Variants in ENTREP2 observed in about 807,000 individuals in gnomAD.
The protein encoded by ENTREP2 is protein ENTREP2.
At chr15:29,391,320 T>C in the ENTREP2 span, among the ~76,000 whole-genome samples, 1 of 151,794 alleles carries the variant, frequency 6.6e-6, no homozygotes. Flanking sequence ...CCATTTCCCT[T>C]CAGGGGCTGC....
the ENTREP2 span, among the ~76,000 whole-genome samples, chr15:29,465,034 G>A: frequency 6.6e-6 from 1 of 152,044 alleles, no homozygotes; most frequent in Non-Finnish European, 1.5e-5. Flanking sequence ...AAAAAGCATG[G>A]GGCTTTAGAG....
chr15:29,434,576 C>T, the ENTREP2 span, among the ~76,000 whole-genome samples: 1 of 152,188 alleles, frequency 6.6e-6, no homozygotes, highest in African/African-American at 2.4e-5. Context: ...GACACATCCA[C>T]ATGGTGCAAA....
At chr15:29,546,536 G>A in the ENTREP2 span, among the ~76,000 whole-genome samples, 1 of 152,142 alleles carries the variant, frequency 6.6e-6, no homozygotes, top group East Asian at 1.9e-4. Flanking sequence ...GCCACTTTGT[G>A]AAAATAACGA....
At chr15:29,638,553 T>C in the ENTREP2 span, among the ~76,000 whole-genome samples, 3 of 152,164 alleles carry the variant, frequency 2.0e-5, no homozygotes, top group South Asian at 6.2e-4. Flanking sequence ...AAAGTTTTAG[T>C]GAGAATAGAA....
chr15:29,295,748 C>T, the ENTREP2 span, among the ~76,000 whole-genome samples: 1 of 152,094 alleles, frequency 6.6e-6, no homozygotes, highest in Admixed American at 6.6e-5. Context: ...GTGACGGCCA[C>T]GTGGGGAGTG....
the ENTREP2 span, among the ~76,000 whole-genome samples, chr15:29,489,066 AT>A: frequency 9.2e-5 from 14 of 152,332 alleles, no homozygotes; most frequent in Middle Eastern, 3.4e-3. Context: ...AACGGTGTGA[AT>A]GTACTAAACG....
chr15:29,369,942 T>A, the ENTREP2 span, among the ~76,000 whole-genome samples: 1 of 152,212 alleles, frequency 6.6e-6, no homozygotes, highest in Admixed American at 6.5e-5. Flanking sequence ...TTATCTGCCA[T>A]GTTTGGAGGA....
chr15:29,206,078 G>A, the ENTREP2 span, among the ~76,000 whole-genome samples: 2 of 152,128 alleles, frequency 1.3e-5, no homozygotes, highest in African/African-American at 4.8e-5. Flanking sequence ...CCTTTCTCTG[G>A]ACTACTATTA....
the ENTREP2 span, chr15:29,123,313 T>C: frequency 4.1e-5 from 61 of 1,483,858 alleles, no homozygotes; most frequent in Non-Finnish European, 5.2e-5. Context: ...CAGGCGTTGG[T>C]GTCCACGGTC....
At chr15:29,555,821 G>A in the ENTREP2 span, among the ~76,000 whole-genome samples, 1 of 152,176 alleles carries the variant, frequency 6.6e-6, no homozygotes, top group Admixed American at 6.5e-5. Flanking sequence ...CCCATGACCT[G>A]GGGGTCAGAG....
At chr15:29,622,599 T>C in the ENTREP2 span, among the ~76,000 whole-genome samples, 10 of 152,184 alleles carry the variant, frequency 6.6e-5, no homozygotes, top group Non-Finnish European at 1.5e-4. Context: ...GAAGGTGTTA[T>C]TGAGAATAAA....
chr15:29,212,079 G>A, the ENTREP2 span, among the ~76,000 whole-genome samples: 17 of 150,588 alleles, frequency 1.1e-4, no homozygotes, highest in African/African-American at 4.0e-4. Flanking sequence ...ATATCTGGTA[G>A]AATTCTGCTG....
At chr15:29,234,104 A>G in the ENTREP2 span, 5 of 1,510,220 alleles carry the variant, frequency 3.3e-6, no homozygotes, top group Non-Finnish European at 3.7e-6. Context: ...CATATCAGAC[A>G]TTCTCTGCAT....
At chr15:29,423,376 T>C in the ENTREP2 span, among the ~76,000 whole-genome samples, 1 of 152,214 alleles carries the variant, frequency 6.6e-6, no homozygotes, top group Non-Finnish European at 1.5e-5. Context: ...CTAATGCTGC[T>C]AAATTTAGTT....
At chr15:29,400,950 C>T in the ENTREP2 span, among the ~76,000 whole-genome samples, 5 of 152,202 alleles carry the variant, frequency 3.3e-5, no homozygotes, top group Admixed American at 6.5e-5. Context: ...CACATGCCAT[C>T]GCCCCGGGCC....
chr15:29,302,899 T>C, the ENTREP2 span, among the ~76,000 whole-genome samples: 1 of 152,136 alleles, frequency 6.6e-6, no homozygotes, highest in African/African-American at 2.4e-5. Context: ...GGCATCACAT[T>C]TGGAATTGAT....
At chr15:29,611,464 G>A in the ENTREP2 span, among the ~76,000 whole-genome samples, 3 of 151,900 alleles carry the variant, frequency 2.0e-5, no homozygotes, top group Non-Finnish European at 2.9e-5. Context: ...ATCCCCTAGC[G>A]TCTAATGGAT....
chr15:29,455,740 C>T, the ENTREP2 span, among the ~76,000 whole-genome samples: 16 of 152,148 alleles, frequency 1.1e-4, no homozygotes, highest in African/African-American at 2.7e-4. Flanking sequence ...GGCAAGTGAG[C>T]GAAGCTTCAT....
At chr15:29,200,499 C>T in the ENTREP2 span, among the ~76,000 whole-genome samples, 1 of 151,938 alleles carries the variant, frequency 6.6e-6, no homozygotes, top group Non-Finnish European at 1.5e-5. Context: ...TAGAATAAGA[C>T]TGTCATTGTC....
Sources: allele counts gnomAD v4.1 joint callset (sites outside exome capture counted in the v4.1 genomes callset), GRCh38; gene constraint gnomAD v4.1.1; transcripts MANE v1.5; gene names NCBI Gene and HGNC (gene_info 2026-07-23, HGNC 2026-07-21).